Variants in APBB2 observed in about 807,000 individuals in gnomAD.
APBB2 encodes the protein Fe65-like 1.
APBB2 carries 38 observed loss-of-function variants against 82.5 expected under a neutral mutation model. That is an observed-to-expected ratio of 0.46 (90% CI 0.36 to 0.60). The LOEUF (loss-of-function observed/expected upper bound fraction) is 0.60, where lower values mean the gene tolerates loss of function less well. Ranked by LOEUF, APBB2 falls within the 20% of genes least tolerant of loss-of-function variation. APBB2 has a pLI of 0.00. For missense variants in APBB2, 772 were observed against 972.3 expected, an observed-to-expected ratio of 0.79 and a Z score of 2.74; for synonymous variants, 341 against 368.2, an observed-to-expected ratio of 0.93 and a Z score of 0.85.
intron 5 of APBB2, among the ~76,000 whole-genome samples, chr4:41,020,846 A>G (rs1811287957): frequency 6.6e-6 from 1 of 152,152 alleles, no homozygotes; most frequent in Non-Finnish European, 1.5e-5. Flanking sequence ...AGACCTCCTC[A>G]CTGCTGAGAA....
intron 16 of APBB2, among the ~76,000 whole-genome samples, chr4:40,822,986 C>G (rs1025397627): frequency 2.6e-5 from 4 of 152,178 alleles, no homozygotes; most frequent in African/African-American, 7.2e-5. Context: ...AGTGAGCACC[C>G]TGCTCCTCTC....
intron 4 of APBB2, among the ~76,000 whole-genome samples, chr4:41,047,607 G>C (rs565906670): frequency 3.3e-5 from 5 of 152,354 alleles, no homozygotes; most frequent in African/African-American, 1.2e-4. Flanking sequence ...AGGACACCAA[G>C]CTGTAGCAAG....
At chr4:40,900,059 C>T (rs1451143591) in intron 10 of APBB2, among the ~76,000 whole-genome samples, 1 of 152,192 alleles carries the variant, frequency 6.6e-6, no homozygotes, top group East Asian at 1.9e-4. Flanking sequence ...GGTACCAGAA[C>T]ATATAACAAC....
intron 6 of APBB2, among the ~76,000 whole-genome samples, chr4:40,947,689 T>A (rs1024298218): frequency 1.3e-5 from 2 of 152,254 alleles, no homozygotes; most frequent in Non-Finnish European, 2.9e-5. Flanking sequence ...TGGGCACACC[T>A]ACGGTATTAT....
chr4:40,875,411 C>G (rs933378581), intron 12 of APBB2, among the ~76,000 whole-genome samples: 2 of 152,156 alleles, frequency 1.3e-5, no homozygotes, highest in Non-Finnish European at 2.9e-5. Flanking sequence ...AAATACAATG[C>G]AAGCCACATT....
At chr4:41,096,407 G>A (rs1199882528) in intron 3 of APBB2, among the ~76,000 whole-genome samples, 1 of 152,090 alleles carries the variant, frequency 6.6e-6, no homozygotes, top group African/African-American at 2.4e-5. Flanking sequence ...AAACTTACTT[G>A]GGCGACAGAG....
At chr4:41,023,245 G>A (rs1712476773) in intron 5 of APBB2, among the ~76,000 whole-genome samples, 1 of 152,126 alleles carries the variant, frequency 6.6e-6, no homozygotes, top group South Asian at 2.1e-4. Context: ...GTTAAATATG[G>A]GGGGCATGAG....
chr4:41,010,911 A>G (rs1808159612), intron 6 of APBB2, among the ~76,000 whole-genome samples: 1 of 152,196 alleles, frequency 6.6e-6, no homozygotes, highest in South Asian at 2.1e-4. Flanking sequence ...CCCATAATGC[A>G]GCTTTAACAA....
At chr4:41,164,828 G>T (rs1766077419) in intron 1 of APBB2, among the ~76,000 whole-genome samples, 1 of 152,180 alleles carries the variant, frequency 6.6e-6, no homozygotes, top group Admixed American at 6.5e-5. Context: ...TTTTAATTTA[G>T]AAATAGTCCT....
At chr4:40,837,058 C>G (rs1321599087) in intron 12 of APBB2, among the ~76,000 whole-genome samples, 1 of 152,192 alleles carries the variant, frequency 6.6e-6, no homozygotes, top group Non-Finnish European at 1.5e-5. Context: ...CCTTGATTTT[C>G]TTGTATTCTG....
At position 40,960,845 on chromosome 4, in the gene APBB2, G is replaced by A. The variant is rs78221042; in HGVS notation, c.836-15772C>T. ...CTTTTAGTTGGAAACATGGCCACCC[G>A]ATATAAACGCTACATTTCCCAGCCT... On this transcript the variant is annotated intron_variant, in intron 6 of 17. Transcript: ENST00000508593. 1.5e-3 allele frequency among the ~76,000 whole-genome samples: 226 copies of A among 151,994 alleles called. 1 individual carries two copies. The East Asian group carries it at 0.019, about 13-fold the overall frequency.
rs541114939 is a variant in APBB2 at position 40,908,217 on chromosome 4, G to A, written c.1255-14806C>T. Among the ~76,000 whole-genome samples, 6 of 152,208 alleles carry A rather than the reference G, an allele frequency of 3.9e-5. No individual in the cohort carries two copies. The South Asian group carries it at 1.2e-3, about 32-fold the overall frequency. ...CAAACCCGGGAGAGCGGCCCCAGGG[G>A]AAGCCAAACCTGCTTTCACAGTGAC... On this transcript the variant is annotated intron_variant, in intron 10 of 17. Coordinates refer to ENST00000508593, the MANE Select transcript of APBB2 (RefSeq NM_004307.2).
chr4:41,169,000 G>A (rs1446461204), intron 1 of APBB2, among the ~76,000 whole-genome samples: 1 of 151,774 alleles, frequency 6.6e-6, no homozygotes, highest in Non-Finnish European at 1.5e-5. Flanking sequence ...TCCTGGCCAA[G>A]GTAGTGAGAC....
intron 6 of APBB2, among the ~76,000 whole-genome samples, chr4:40,947,217 G>A (rs1788693939): frequency 6.6e-6 from 1 of 152,152 alleles, no homozygotes; most frequent in South Asian, 2.1e-4. Context: ...GGATAAAGTT[G>A]GAGAAAACCC....
chr4:41,160,241 C>T lies in APBB2; in HGVS notation c.-416-17099G>A, dbSNP rs1764813808. On this transcript the variant is annotated intron_variant, in intron 1 of 17. Coordinates refer to ENST00000508593, the MANE Select transcript of APBB2 (RefSeq NM_004307.2). ...AGGGAAGACAAGGGCCTGGGATCAG[C>T]AGGACTTGGAAAGGAAATGACGGAA... is the stretch of plus-strand genomic sequence containing the variant. Among the ~76,000 whole-genome samples, 6 of 151,978 alleles carry T rather than the reference C, an allele frequency of 3.9e-5. No individual in the cohort carries two copies. In the South Asian group the frequency reaches 1.2e-3, roughly 32 times the overall value.
chr4:40,982,448 A>AGAAAGAAG (rs1491461148), intron 6 of APBB2, among the ~76,000 whole-genome samples: 6 of 131,280 alleles, frequency 4.6e-5, no homozygotes, highest in African/African-American at 1.7e-4. Context: ...AAAGAAAGAA[A>AGAAAGAAG]GAAAGAATGA....
chr4:41,028,891 G>C (rs559501493), intron 5 of APBB2, among the ~76,000 whole-genome samples: 9 of 152,280 alleles, frequency 5.9e-5, no homozygotes, highest in Admixed American at 5.9e-4. Context: ...GCATCCTGTG[G>C]TTAAACCTGG....
At chr4:40,909,302 C>T (rs574787212) in intron 10 of APBB2, among the ~76,000 whole-genome samples, 17 of 152,234 alleles carry the variant, frequency 1.1e-4, no homozygotes, top group African/African-American at 3.6e-4. Flanking sequence ...CGGAGAGAAA[C>T]GCCAAGTGTC....
intron 12 of APBB2, among the ~76,000 whole-genome samples, chr4:40,868,566 A>G (rs1439504075): frequency 1.3e-5 from 2 of 152,208 alleles, no homozygotes; most frequent in South Asian, 2.1e-4. Context: ...AACTCAGTCT[A>G]CTTTGATGGT....
Sources: allele counts gnomAD v4.1 joint callset (sites outside exome capture counted in the v4.1 genomes callset), GRCh38; gene constraint gnomAD v4.1.1; transcripts MANE v1.5; gene names NCBI Gene and HGNC (gene_info 2026-07-23, HGNC 2026-07-21).